DGKI: variants seen among roughly 807,000 people sequenced by gnomAD.
DGKI encodes diacylglycerol kinase iota, also known as DAG kinase iota.
A neutral mutation model predicts 147.5 loss-of-function variants in DGKI; 55 were observed. That is an observed-to-expected ratio of 0.37 (90% CI 0.30 to 0.47). The LOEUF is 0.47. Among genes scored for constraint, DGKI ranks in the 20% least tolerant of loss-of-function variants. The pLI is 1.00. For missense variants in DGKI, 1,007 were observed against 1,323.8 expected, an observed-to-expected ratio of 0.76 and a Z score of 3.71; for synonymous variants, 469 against 477.1, an observed-to-expected ratio of 0.98 and a Z score of 0.22.
rs184267204 is a variant in DGKI, at chr7:137,667,199, G to A, written c.607-10659C>T. On this transcript the variant is annotated intron_variant, in intron 3 of 32. Transcript: ENST00000614521. ...GAGTAATTGAAGGATTGATATGCAC[G>A]CAAATATGGATATAAATATAATTAC... Among the ~76,000 whole-genome samples, 25 of 152,186 alleles carry A rather than the reference G, an allele frequency of 1.6e-4. 1 individual carries two copies. The highest frequency in any genetic ancestry group is 3.4e-3 in the Middle Eastern group (1 of 294).
At chr7:137,631,927 G>A (rs1450002837) in intron 6 of DGKI, among the ~76,000 whole-genome samples, 1 of 152,202 alleles carries the variant, frequency 6.6e-6, no homozygotes, top group East Asian at 1.9e-4. Context: ...AAATGTGCTG[G>A]TGAGAAGAGC....
intron 1 of DGKI, among the ~76,000 whole-genome samples, chr7:137,842,202 A>G (rs1798563892): frequency 6.6e-6 from 1 of 152,234 alleles, no homozygotes; most frequent in Non-Finnish European, 1.5e-5. Flanking sequence ...TTCAGGAGAA[A>G]AGTTCCCCCA....
chr7:137,492,743 A>T (rs1815814445), intron 21 of DGKI, among the ~76,000 whole-genome samples: 1 of 152,166 alleles, frequency 6.6e-6, no homozygotes, highest in African/African-American at 2.4e-5. Context: ...AGGAAACTTT[A>T]GCCTTAGGCA....
chr7:137,527,222 T>A lies in DGKI; in HGVS notation c.2148-5256A>T, dbSNP rs537001789. The stretch of plus-strand genomic sequence containing the variant: ...CAGTTAGCACCTTCCTGGCAAATAA[T>A]AAGTGGTCAAAAATAATAATAGTTG... On this transcript the variant is annotated intron_variant, in intron 20 of 32. Coordinates refer to ENST00000614521, the MANE Select transcript of DGKI (RefSeq NM_001321708.2). Among the ~76,000 whole-genome samples the A allele has an allele frequency of 2.5e-4, 38 of 152,280 alleles. No homozygotes were observed. The East Asian group carries it at 6.7e-3, about 27-fold the overall frequency.
At chr7:137,739,600 C>A (rs554722007) in intron 1 of DGKI, among the ~76,000 whole-genome samples, 63 of 152,260 alleles carry the variant, frequency 4.1e-4, no homozygotes, top group Admixed American at 1.2e-3. Flanking sequence ...CCTTAGATAG[C>A]CTTTCTCCAA....
chr7:137,676,082 C>T lies in DGKI; in HGVS notation c.606+2475G>A, dbSNP rs544857286. Among the ~76,000 whole-genome samples, 34 of 152,234 alleles carry T rather than the reference C, an allele frequency of 2.2e-4. 1 individual carries two copies. The highest frequency in any genetic ancestry group is 6.5e-4 in the African/African-American group (27 of 41,528). ...AAATGGGATGCCCAGAGATGACATG[C>T]GCCTCACAGTGCGAGGTGGGGAGAG... On this transcript the variant is annotated intron_variant, in intron 3 of 32. Coordinates refer to ENST00000614521, the MANE Select transcript of DGKI (RefSeq NM_001321708.2).
At chr7:137,720,157 C>A (rs1794501657) in intron 1 of DGKI, among the ~76,000 whole-genome samples, 1 of 151,630 alleles carries the variant, frequency 6.6e-6, no homozygotes, top group South Asian at 2.1e-4. Context: ...CTGCCAGACA[C>A]TGAGGTCCCC....
intron 10 of DGKI, among the ~76,000 whole-genome samples, chr7:137,605,263 G>T (rs1336459127): frequency 6.6e-6 from 1 of 150,590 alleles, no homozygotes; most frequent in South Asian, 2.1e-4. Flanking sequence ...AGCTGAGATC[G>T]TGTCACTGCA....
At chr7:137,620,053 A>ACACACACACACT in intron 7 of DGKI, 113 bp from the exon 8 acceptor site, 1 of 725,922 alleles carries the variant, frequency 1.4e-6, no homozygotes, top group Middle Eastern at 3.9e-4. Flanking sequence ...ACACACACAC[A>ACACACACACACT]CTCATTACAT....
intron 1 of DGKI, among the ~76,000 whole-genome samples, chr7:137,750,067 G>A (rs181063042): frequency 6.6e-6 from 1 of 152,314 alleles, no homozygotes; most frequent in East Asian, 1.9e-4. Context: ...GACCCAGTAA[G>A]AGGCAACTGG....
chr7:137,479,730 C>T (rs1815304659), intron 23 of DGKI, among the ~76,000 whole-genome samples: 1 of 152,174 alleles, frequency 6.6e-6, no homozygotes, highest in Admixed American at 6.5e-5. Context: ...TTGGGAATCC[C>T]TGCCTCATTT....
At chr7:137,746,106 T>A (rs1795319551) in intron 1 of DGKI, among the ~76,000 whole-genome samples, 1 of 152,200 alleles carries the variant, frequency 6.6e-6, no homozygotes, top group Admixed American at 6.5e-5. Flanking sequence ...CAGAACTGTA[T>A]GTGCAGAGAT....
In DGKI at chr7:137,732,575, C is replaced by T. The variant is rs557340745; in HGVS notation, c.402-42573G>A. 3.3e-5 allele frequency among the ~76,000 whole-genome samples: 5 copies of T among 152,134 alleles called. No homozygotes were observed. The East Asian group carries it at 5.8e-4, about 18-fold the overall frequency. On this transcript the variant is annotated intron_variant, in intron 1 of 32. Coordinates refer to ENST00000614521, the MANE Select transcript of DGKI (RefSeq NM_001321708.2). ...GGCTGTTCCTGGGTTCTGATAGACA[C>T]TGTCTGAATGGTGCAGACTGTGATA... is the stretch of plus-strand genomic sequence containing the variant.
At chr7:137,587,693 G>A (rs946462111) in intron 12 of DGKI, among the ~76,000 whole-genome samples, 1 of 152,096 alleles carries the variant, frequency 6.6e-6, no homozygotes, top group Non-Finnish European at 1.5e-5. Context: ...AAACTAAAAT[G>A]TACATAAAGC....
At chr7:137,543,738 C>T (rs888765085) in intron 20 of DGKI, among the ~76,000 whole-genome samples, 1 of 152,150 alleles carries the variant, frequency 6.6e-6, no homozygotes, top group Admixed American at 6.5e-5. Flanking sequence ...GATACTGGGG[C>T]TCCTAACTTC....
chr7:137,737,183 T>C (rs1302573493), intron 1 of DGKI, among the ~76,000 whole-genome samples: 1 of 141,154 alleles, frequency 7.1e-6, no homozygotes, highest in Non-Finnish European at 1.5e-5. Flanking sequence ...CTTCAAAGCA[T>C]TCAAATATGC....
At chr7:137,576,043 CTT>C (rs1386281275) in intron 17 of DGKI, among the ~76,000 whole-genome samples, 20 of 134,996 alleles carry the variant, frequency 1.5e-4, no homozygotes, top group East Asian at 4.2e-4. Context: ...TTTTCTTTTT[CTT>C]TTTTTTTTTT....
intron 1 of DGKI, among the ~76,000 whole-genome samples, chr7:137,764,177 A>C (rs1795939400): frequency 1.3e-5 from 2 of 152,040 alleles, no homozygotes; most frequent in African/African-American, 4.8e-5. Context: ...CATATTCCTT[A>C]AAGTGCCCCT....
intron 1 of DGKI, among the ~76,000 whole-genome samples, chr7:137,761,667 A>C (rs574158801): frequency 2.5e-4 from 38 of 152,244 alleles, no homozygotes; most frequent in African/African-American, 8.9e-4. Context: ...AGAATGGTCC[A>C]CAGATTCCTG....
Sources: gnomAD v4.1 joint callset for allele counts (sites outside exome capture counted in the v4.1 genomes callset) on GRCh38, gnomAD v4.1.1 for gene constraint, MANE v1.5 for transcripts, NCBI Gene and HGNC (gene_info 2026-07-23, HGNC 2026-07-21) for gene names.